The following GPAT2 variants were observed in gnomAD, a reference collection of about 807,000 sequenced individuals.
GPAT2 encodes glycerol-3-phosphate acyltransferase 2, mitochondrial, also known as 1-acylglycerol-3-phosphate O-acyltransferase GPAT2.
Under a neutral mutation model 71.0 loss-of-function variants are expected in GPAT2, and 51 were observed. The ratio of observed to expected loss-of-function variants is 0.72; its 90% CI spans 0.57 to 0.91. GPAT2 has a LOEUF of 0.91. Among genes scored for constraint, GPAT2 ranks in the 40% least tolerant of loss-of-function variants. The pLI is 0.00. For synonymous variants in GPAT2, 222 were observed against 290.3 expected, an observed-to-expected ratio of 0.76 and a Z score of 2.39; for missense variants, 511 against 666.0, an observed-to-expected ratio of 0.77 and a Z score of 2.56.
At chr2:96,024,950 G>T in intron 13 of GPAT2, 107 bp from the exon 14 acceptor site, 1 of 1,282,134 alleles carries the variant, frequency 7.8e-7, no homozygotes, top group Non-Finnish European at 1.1e-6. Context: ...CTCCACCCCA[G>T]GGATGAGGAA....
chr2:96,024,694 G>C lies in GPAT2; in HGVS notation c.1429-9C>G, dbSNP rs1309080592. 6.2e-7 allele frequency: 1 copy of C among 1,613,546 alleles called. No individual in the cohort carries two copies. Among genetic ancestry groups the C allele is most frequent in the Non-Finnish European group, 8.5e-7 (1 of 1,179,866 alleles). On this transcript the variant is annotated splice_polypyrimidine_tract_variant and intron_variant, in intron 14 of 21. Coordinates refer to ENST00000434632, the MANE Select transcript of GPAT2 (RefSeq NM_001321527.2). ...TGCGACAGGAACACACCCTGGGTGG[G>C]CAGAGCAGGGCTAGGCAGCAGGGCC...
In GPAT2 at chr2:96,023,395, T is replaced by A; in HGVS notation, c.1960A>T (p.Ser654Cys). ...CTCGGTTTCCACAGCAGCTTTCTGC[T>A]CAATCGCTGTCGCCCTGTGTCACAG... ...PACDTGRQRL[S>C]RKLLWKPSGD... Residue 654 changes from serine (S) to cysteine (C), a missense_variant, in exon 18 of 22, where the codon AGC becomes TGC. By Grantham distance (112) the Ser-to-Cys change is moderately radical. This residue lies in a region of GPAT2 where 295 missense variants were observed against 305.5 expected (regional missense o/e 0.97). Coordinates refer to ENST00000434632, the MANE Select transcript of GPAT2 (RefSeq NM_001321527.2). 1 of 1,614,130 alleles carries A rather than the reference T, an allele frequency of 6.2e-7. No homozygotes were observed. The highest frequency in any genetic ancestry group is 8.5e-7 in the Non-Finnish European group (1 of 1,180,026).
At chr2:96,022,779 C>G in intron 20 of GPAT2, 56 bp from the exon 21 acceptor site, 1 of 1,613,974 alleles carries the variant, frequency 6.2e-7, no homozygotes. Flanking sequence ...AGCCACTGGG[C>G]ACAGGCTTCT....
chr2:96,024,640 C>A lies in GPAT2; in HGVS notation c.1474G>T (p.Glu492Ter). 1 of 1,613,890 alleles carries A rather than the reference C, an allele frequency of 6.2e-7. No homozygotes were observed. The highest frequency in any genetic ancestry group is 2.2e-5 in the East Asian group (1 of 44,874). Residue 492 changes from glutamate to a stop codon, truncating the protein, a stop_gained, in exon 15 of 22, where the codon GAG becomes TAG. Transcript: ENST00000434632. LOFTEE classifies it high-confidence loss of function. ...TCAAAGCCACGCAACAGTATCTCCTCCGTCAGCCAGGAGAACTCCCCCAGG... is the reference window on the plus strand; with the variant it reads ...TCAAAGCCACGCAACAGTATCTCCTACGTCAGCCAGGAGAACTCCCCCAGG... ...QLLGEFSWLT[E>*]EILLRGFDVG... is the part of the protein sequence containing the mutation.
chr2:96,023,716 C>G (rs1337616143), intron 17 of GPAT2: 30 of 986,140 alleles, frequency 3.0e-5, no homozygotes, highest in Non-Finnish European at 3.6e-5. Context: ...TCCAGAGAGA[C>G]ACACAGAACC....
At chr2:96,033,962 C>CAT (rs1680844964) in intron 1 of GPAT2, among the ~76,000 whole-genome samples, 1 of 151,176 alleles carries the variant, frequency 6.6e-6, no homozygotes, top group South Asian at 2.1e-4. Flanking sequence ...CTCATAGACA[C>CAT]ATATATATAC....
At position 96,023,139 on chromosome 2, in the gene GPAT2, C is replaced by T. The variant is rs376038874; in HGVS notation, c.2134G>A (p.Ala712Thr). The T allele has an allele frequency of 5.9e-5, 95 of 1,608,778 alleles. No homozygotes were observed. Among genetic ancestry groups the T allele is most frequent in the Admixed American group, 4.6e-4 (27 of 59,170 alleles). ...GGCAGCTGGCCCTGGCGGAGGAAGG[C>T]GGCAGCCTGTGCAAAGGCCTTGAGC... ...PLLKAFAQAAAFLRQGQLPDT... is the reference protein window; with the variant it reads ...PLLKAFAQAATFLRQGQLPDT... The change falls in exon 19 of 22, where the codon GCC becomes ACC. Residue 712 changes from alanine (A) to threonine (T), a missense_variant. By Grantham distance (58) the Ala-to-Thr change is moderately conservative. This residue lies in a region of GPAT2 where 108 missense variants were observed against 117.6 expected (regional missense o/e 0.92). Coordinates refer to ENST00000434632, the MANE Select transcript of GPAT2 (RefSeq NM_001321527.2).
chr2:96,025,479 C>T lies in GPAT2; in HGVS notation c.1357+6G>A, dbSNP rs1481675772. On this transcript the variant is annotated splice_donor_region_variant and intron_variant, in intron 13 of 21. Transcript: ENST00000434632. Reference sequence around the variant, plus strand: ...CCGCAAAGGCCCAGATCTGGTTCACCCTCACCACTCAGGACATGACAGCTC... The same window carrying T: ...CCGCAAAGGCCCAGATCTGGTTCACTCTCACCACTCAGGACATGACAGCTC... The T allele has an allele frequency of 1.8e-5, 28 of 1,572,520 alleles. No homozygotes were observed. The highest frequency in any genetic ancestry group is 2.3e-5 in the Non-Finnish European group (27 of 1,159,200).
At chr2:96,022,325 A>T in intron 21 of GPAT2, 50 bp from the exon 22 acceptor site, 1 of 1,518,676 alleles carries the variant, frequency 6.6e-7, no homozygotes, top group Non-Finnish European at 8.8e-7. Context: ...GGGACTGTGT[A>T]CACATGGCCC....
At position 96,024,372 on chromosome 2, in the gene GPAT2, G is replaced by A. The variant is rs751766553; in HGVS notation, c.1688-35C>T. On this transcript the variant is annotated intron_variant, in intron 15 of 21. Coordinates refer to ENST00000434632, the MANE Select transcript of GPAT2 (RefSeq NM_001321527.2). ...GAGGGTCCATTATGAAGAAGGAGCC[G>A]TTCCCTTCACCACTGCACACACATC... 107 of 1,604,308 alleles carry A rather than the reference G, an allele frequency of 6.7e-5. 1 individual carries two copies. Among genetic ancestry groups the A allele is most frequent in the Admixed American group, 3.4e-4 (20 of 59,690 alleles).
In GPAT2 at chr2:96,022,725, T is replaced by A; in HGVS notation, c.2234-2A>T. 1 of 1,613,860 alleles carries A rather than the reference T, an allele frequency of 6.2e-7. No individual in the cohort carries two copies. Among genetic ancestry groups the A allele is most frequent in the Non-Finnish European group, 8.5e-7 (1 of 1,179,838 alleles). ...TGGCGAGCTTTGGGTCCGCACACTC[T>A]GGAAAGAAGAGAGAAGTGAAGGCTC... is the stretch of plus-strand genomic sequence containing the variant. On this transcript the variant is annotated splice_acceptor_variant, in intron 20 of 21. Coordinates refer to ENST00000434632, the MANE Select transcript of GPAT2 (RefSeq NM_001321527.2). LOFTEE classifies it high-confidence loss of function.
In GPAT2 at chr2:96,022,748, C is replaced by T. The variant is rs371702324; in HGVS notation, c.2234-25G>A. 67 of 1,613,842 alleles carry T rather than the reference C, an allele frequency of 4.2e-5. No homozygotes were observed. In the Admixed American group the frequency reaches 5.3e-4, roughly 13 times the overall value. Reference sequence around the variant, plus strand: ...TCTGGAAAGAAGAGAGAAGTGAAGGCTCTAGGTAGGGAGAACAGAGAGCCA... The same window carrying T: ...TCTGGAAAGAAGAGAGAAGTGAAGGTTCTAGGTAGGGAGAACAGAGAGCCA... On this transcript the variant is annotated intron_variant, in intron 20 of 21. Transcript: ENST00000434632.
At chr2:96,025,799 G>C (rs1335015646) in intron 12 of GPAT2, 131 bp downstream of exon 12, 1 of 1,178,082 alleles carries the variant, frequency 8.5e-7, no homozygotes, top group Non-Finnish European at 1.2e-6. Flanking sequence ...CGAGTACCTG[G>C]AACTATTCTA....
chr2:96,024,299 GCGGCACTCTGCC>G lies in GPAT2; in HGVS notation c.1714_1725del (p.Gly572_Pro575del). ...CCCTGCAGCTCCCAGGGCCCCTGGG[GCGGCACTCTGCC>G]TGCCAGCAGCCCCCGCACTGCACAG... On this transcript the variant is annotated inframe_deletion, in exon 16 of 22. Coordinates refer to ENST00000434632, the MANE Select transcript of GPAT2 (RefSeq NM_001321527.2). The G allele has an allele frequency of 6.4e-7, 1 of 1,560,914 alleles. No individual in the cohort carries two copies. Among genetic ancestry groups the G allele is most frequent in the Non-Finnish European group, 8.7e-7 (1 of 1,151,448 alleles).
rs1323804561 is a variant in GPAT2 at position 96,024,698 on chromosome 2, A to G, written c.1429-13T>C. On this transcript the variant is annotated splice_polypyrimidine_tract_variant and intron_variant, in intron 14 of 21. Transcript: ENST00000434632. ...ACAGGAACACACCCTGGGTGGGCAGAGCAGGGCTAGGCAGCAGGGCCACAC... is the reference window on the plus strand; with the variant it reads ...ACAGGAACACACCCTGGGTGGGCAGGGCAGGGCTAGGCAGCAGGGCCACAC... 4.3e-6 allele frequency: 7 copies of G among 1,613,632 alleles called. No homozygotes were observed. Among genetic ancestry groups the G allele is most frequent in the Non-Finnish European group, 2.5e-6 (3 of 1,179,852 alleles).
At chr2:96,034,048 C>T (rs1338438735) in intron 1 of GPAT2, among the ~76,000 whole-genome samples, 1 of 150,780 alleles carries the variant, frequency 6.6e-6, no homozygotes, top group African/African-American at 2.4e-5. Flanking sequence ...TACATATATA[C>T]ATATATACAC....
At chr2:96,024,111 A>G in intron 16 of GPAT2, 78 bp downstream of exon 16, 2 of 1,566,294 alleles carry the variant, frequency 1.3e-6, no homozygotes, top group Admixed American at 3.7e-5. Flanking sequence ...TCAGAGGTAG[A>G]GCATGGGCAG....
At position 96,022,241 on chromosome 2, in the gene GPAT2, C is replaced by A; in HGVS notation, c.2324G>T (p.Arg775Met). 6.2e-7 allele frequency: 1 copy of A among 1,607,622 alleles called. No individual in the cohort carries two copies. The highest frequency in any genetic ancestry group is 8.5e-7 in the Non-Finnish European group (1 of 1,177,306). Reference sequence around the variant, plus strand: ...GGCAAAAGTAGGGGACAGGTGGAGCCTGGGGCCTGCAGGGCTCGGCGTCTG... The same window carrying A: ...GGCAAAAGTAGGGGACAGGTGGAGCATGGGGCCTGCAGGGCTCGGCGTCTG... Reference protein sequence around the residue: ...LQQTPSPAGPRLHLSPTFASL... With the variant: ...LQQTPSPAGPMLHLSPTFASL... The change falls in exon 22 of 22, where the codon AGG becomes ATG. Residue 775 changes from arginine to methionine, a missense_variant. By Grantham distance (91) the Arg-to-Met change is moderately conservative. Transcript: ENST00000434632.
At chr2:96,024,957 G>A (rs1680231764) in intron 13 of GPAT2, 114 bp from the exon 14 acceptor site, 1 of 1,190,678 alleles carries the variant, frequency 8.4e-7, no homozygotes, top group Non-Finnish European at 1.3e-6. Context: ...CCAGGGATGA[G>A]GAACGTACAC....
Sources: gnomAD v4.1 joint callset for allele counts (sites outside exome capture counted in the v4.1 genomes callset) on GRCh38, gnomAD v4.1.1 for gene constraint, gnomAD v4.1.1 regional missense constraint, MANE v1.5 for transcripts, NCBI Gene and HGNC (gene_info 2026-07-23, HGNC 2026-07-21) for gene names.